ANKFN1: variants seen among roughly 807,000 people sequenced by gnomAD.
ANKFN1 encodes ankyrin repeat and fibronectin type III domain containing 1.
Under a neutral mutation model 108.7 loss-of-function variants are expected in ANKFN1, and 74 were observed. The observed-to-expected ratio is 0.68, with a 90% CI of 0.56 to 0.83. ANKFN1 has a LOEUF of 0.83. Ranked by LOEUF, ANKFN1 falls within the 40% of genes least tolerant of loss-of-function variation. The probability of loss-of-function intolerance (pLI) is 0.00; values close to 1 mark genes in which losing one functional copy is unlikely to be tolerated. For missense variants in ANKFN1, 1,505 were observed against 1,382.3 expected (o/e 1.09, Z -1.41); for synonymous variants, 547 against 516.2 (o/e 1.06, Z -0.81).
chr17:56,482,954 C>T (rs539416756), intron 18 of ANKFN1, among the ~76,000 whole-genome samples: 9 of 152,128 alleles, frequency 5.9e-5, no homozygotes, highest in Admixed American at 1.3e-4. Flanking sequence ...TCCCCACATC[C>T]CCAACCAGAG....
intron 4 of ANKFN1, 44 bp downstream of exon 4, chr17:56,326,399 C>G (rs770021955): frequency 1.3e-6 from 2 of 1,578,932 alleles, no homozygotes; most frequent in African/African-American, 1.4e-5. Flanking sequence ...GAATATGGAG[C>G]TTTCTTAATT....
chr17:56,467,271 AGT>A (rs956494921), intron 15 of ANKFN1, among the ~76,000 whole-genome samples: 1 of 152,100 alleles, frequency 6.6e-6, no homozygotes, highest in African/African-American at 2.4e-5. Context: ...TGTGTATTTG[AGT>A]GTGTGTACAT....
chr17:56,186,524 T>C (rs1912228907), intron 1 of ANKFN1, among the ~76,000 whole-genome samples: 1 of 152,180 alleles, frequency 6.6e-6, no homozygotes, highest in African/African-American at 2.4e-5. Flanking sequence ...TTCCACGTTG[T>C]CCACTGTGAC....
chr17:56,233,239 A>G (rs1222529841), intron 3 of ANKFN1, among the ~76,000 whole-genome samples: 1 of 152,120 alleles, frequency 6.6e-6, no homozygotes, highest in African/African-American at 2.4e-5. Context: ...CTTTGATAGA[A>G]CTTGTTCATA....
In ANKFN1 at chr17:56,188,581, G is replaced by GTATATATATATATA. The variant is rs61556880; in HGVS notation, c.-70-23995_-70-23982dup. ...TGTGTGTATGTGTGTGTGTGTGTGT[G>GTATATATATATATA]TATATATATATATATATATATATAT... is the stretch of plus-strand genomic sequence containing the variant. On this transcript the variant is annotated intron_variant, in intron 1 of 20. Coordinates refer to ENST00000682825, the MANE Select transcript of ANKFN1 (RefSeq NM_001370326.1). Among the ~76,000 whole-genome samples the GTATATATATATATA allele has an allele frequency of 3.8e-3, 187 of 49,622 alleles. 5 individuals are homozygous for GTATATATATATATA. Among genetic ancestry groups the GTATATATATATATA allele is most frequent in the African/African-American group, 8.2e-3 (81 of 9,880 alleles). The allele number at this position is 49,622 out of a possible 152,430, so 32.6% of individuals were successfully genotyped here. A position where few individuals can be genotyped will look rare whatever the true frequency, so the allele number is the denominator to read the frequency against.
chr17:56,373,304 C>T (rs1201473391), intron 7 of ANKFN1, among the ~76,000 whole-genome samples: 2 of 152,198 alleles, frequency 1.3e-5, no homozygotes, highest in Non-Finnish European at 2.9e-5. Context: ...ACACAGGCAA[C>T]CGAAAAGAAC....
At chr17:56,234,847 C>G (rs547947843) in intron 3 of ANKFN1, among the ~76,000 whole-genome samples, 29 of 152,164 alleles carry the variant, frequency 1.9e-4, no homozygotes, top group African/African-American at 6.7e-4. Context: ...GACTGATTTA[C>G]ATTCCTCTGG....
rs1047584692 is a variant in ANKFN1 at position 56,212,117 on chromosome 17, C to T, written c.-70-481C>T. On this transcript the variant is annotated intron_variant, in intron 1 of 20. Transcript: ENST00000682825. ...GAGAGTGGGCATCCTTGTCTTGTTC[C>T]AGTTCTCGGGGGAATGCTTTCAATT... Among the ~76,000 whole-genome samples the T allele has an allele frequency of 3.3e-5, 5 of 151,406 alleles. No individual in the cohort carries two copies. The East Asian group carries it at 7.8e-4, about 24-fold the overall frequency.
chr17:56,175,610 C>T (rs932798388), intron 1 of ANKFN1, among the ~76,000 whole-genome samples: 30 of 152,118 alleles, frequency 2.0e-4, no homozygotes, highest in Admixed American at 3.3e-4. Flanking sequence ...AGTCCAGATC[C>T]CCACCTGCCT....
chr17:56,217,843 G>C (rs1210676433), intron 2 of ANKFN1, among the ~76,000 whole-genome samples: 5 of 152,094 alleles, frequency 3.3e-5, no homozygotes, highest in Admixed American at 3.3e-4. Context: ...ACTTTTAAAT[G>C]ATGTCTGTGT....
intron 4 of ANKFN1, among the ~76,000 whole-genome samples, chr17:56,050,555 G>A (rs1430300940): frequency 6.7e-6 from 1 of 148,540 alleles, no homozygotes; most frequent in African/African-American, 2.5e-5. Flanking sequence ...AATCCATCTT[G>A]AATTGATTTT....
chr17:56,193,264 AG>A (rs1212565108), intron 1 of ANKFN1, among the ~76,000 whole-genome samples: 2 of 89,138 alleles, frequency 2.2e-5, no homozygotes, highest in African/African-American at 8.4e-5. Flanking sequence ...GGGAGGGGGG[AG>A]GGGGGAGGGA....
chr17:56,381,419 G>C (rs1445938295), intron 8 of ANKFN1, among the ~76,000 whole-genome samples: 2 of 152,186 alleles, frequency 1.3e-5, no homozygotes, highest in African/African-American at 4.8e-5. Context: ...ACCAGCAACG[G>C]AACAAAGCTG....
intron 8 of ANKFN1, among the ~76,000 whole-genome samples, chr17:56,396,005 C>T (rs2047572509): frequency 6.6e-6 from 1 of 152,092 alleles, no homozygotes; most frequent in African/African-American, 2.4e-5. Context: ...AATGACATCA[C>T]TTCTCTCTCC....
intron 4 of ANKFN1, among the ~76,000 whole-genome samples, chr17:56,084,195 G>C (rs1905280983): frequency 6.6e-6 from 1 of 151,144 alleles, no homozygotes; most frequent in South Asian, 2.1e-4. Context: ...TTTTGGTTAG[G>C]TTTAACCAAT....
chr17:56,380,771 A>C (rs1227817701), intron 8 of ANKFN1, among the ~76,000 whole-genome samples: 1 of 152,234 alleles, frequency 6.6e-6, no homozygotes, highest in Non-Finnish European at 1.5e-5. Flanking sequence ...TTAGGTAAAC[A>C]AAGCAGCCGG....
chr17:56,371,289 A>C (rs1453367875), intron 6 of ANKFN1, among the ~76,000 whole-genome samples: 1 of 152,202 alleles, frequency 6.6e-6, no homozygotes, highest in Non-Finnish European at 1.5e-5. Context: ...AAAAAGAAAA[A>C]AGACTCAACT....
intron 8 of ANKFN1, among the ~76,000 whole-genome samples, chr17:56,433,791 G>A (rs2048840450): frequency 6.6e-6 from 1 of 151,346 alleles, no homozygotes. Flanking sequence ...ACTTACTCAT[G>A]TAACCAAATA....
In ANKFN1 at chr17:56,056,096, T is replaced by C. The variant is rs538235590; in HGVS notation, c.288+9771T>C. Reference sequence around the variant, plus strand: ...TTTTCTTTTTTCTTGTTGAGTTGTTTGAGTTCCTTGTAGATTCTGGATATA... The same window carrying C: ...TTTTCTTTTTTCTTGTTGAGTTGTTCGAGTTCCTTGTAGATTCTGGATATA... On this transcript the variant is annotated intron_variant, in intron 4 of 12. Coordinates refer to the ANKFN1 transcript ENST00000635860. 2.6e-5 allele frequency among the ~76,000 whole-genome samples: 4 copies of C among 152,232 alleles called. No individual in the cohort carries two copies. The South Asian group carries it at 8.3e-4, about 32-fold the overall frequency.
Sources: allele counts gnomAD v4.1 joint callset (sites outside exome capture counted in the v4.1 genomes callset), GRCh38; gene constraint gnomAD v4.1.1; transcripts MANE v1.5; gene names NCBI Gene and HGNC (gene_info 2026-07-23, HGNC 2026-07-21).